Variants in WDR72 observed in about 807,000 individuals in gnomAD.
WDR72 encodes WD repeat-containing protein 72.
Under a neutral mutation model 124.2 loss-of-function variants are expected in WDR72, and 120 were observed. The observed-to-expected ratio is 0.97, with a 90% CI of 0.83 to 1.12. The LOEUF is 1.12. Among genes scored for constraint, WDR72 ranks in the 50% most tolerant of loss-of-function variants. WDR72 has a pLI of 0.00. For missense variants in WDR72, 1,387 were observed against 1,278.8 expected (o/e 1.08, Z -1.29); for synonymous variants, 452 against 441.7 (o/e 1.02, Z -0.29).
intron 18 of WDR72, among the ~76,000 whole-genome samples, chr15:53,552,453 G>C (rs1479328966): frequency 3.3e-5 from 5 of 152,042 alleles, no homozygotes; most frequent in African/African-American, 1.2e-4. Context: ...TCATTCTTTA[G>C]GAACAATGTC....
chr15:53,626,412 C>A (rs1329461671), intron 14 of WDR72, among the ~76,000 whole-genome samples: 1 of 152,178 alleles, frequency 6.6e-6, no homozygotes, highest in African/African-American at 2.4e-5. Flanking sequence ...AGGAGCACAG[C>A]GGACACCCTG....
intron 14 of WDR72, among the ~76,000 whole-genome samples, chr15:53,619,506 C>T (rs2013903445): frequency 6.6e-6 from 1 of 151,930 alleles, no homozygotes; most frequent in Non-Finnish European, 1.5e-5. Flanking sequence ...AAAGTACTTT[C>T]CCCCCTCCAT....
At chr15:53,715,849 C>A (rs2017690154) in intron 4 of WDR72, among the ~76,000 whole-genome samples, 2 of 152,080 alleles carry the variant, frequency 1.3e-5, no homozygotes, top group Admixed American at 1.3e-4. Context: ...ACAACAAAAC[C>A]CAGGTTCCTT....
chr15:53,559,383 CA>C (rs956957705), intron 18 of WDR72, among the ~76,000 whole-genome samples: 4 of 152,002 alleles, frequency 2.6e-5, no homozygotes, highest in African/African-American at 9.7e-5. Flanking sequence ...AGGTGAAGAT[CA>C]GTCTCCCCAA....
chr15:53,643,278 G>A (rs947479988), intron 14 of WDR72, among the ~76,000 whole-genome samples: 1 of 152,046 alleles, frequency 6.6e-6, no homozygotes, highest in Non-Finnish European at 1.5e-5. Context: ...CATAATGACT[G>A]CCTAGTCTCC....
chr15:53,653,830 T>C (rs2015325202), intron 14 of WDR72, among the ~76,000 whole-genome samples: 1 of 152,184 alleles, frequency 6.6e-6, no homozygotes, highest in African/African-American at 2.4e-5. Context: ...ATCAAATTTA[T>C]AACTCCAAAG....
At chr15:53,688,664 C>T (rs1454181671) in intron 13 of WDR72, among the ~76,000 whole-genome samples, 1 of 152,066 alleles carries the variant, frequency 6.6e-6, no homozygotes, top group Non-Finnish European at 1.5e-5. Flanking sequence ...GATTCAATGC[C>T]ATCCCCATCA....
At chr15:53,649,940 G>C (rs146878283) in intron 14 of WDR72, among the ~76,000 whole-genome samples, 275 of 152,194 alleles carry the variant, frequency 1.8e-3, no homozygotes, top group Middle Eastern at 3.4e-3. Flanking sequence ...ATCGACTTCT[G>C]GGTATTTATC....
intron 14 of WDR72, among the ~76,000 whole-genome samples, chr15:53,656,901 G>A (rs689846): frequency 0.77 from 116,617 of 151,816 alleles, 44,843 homozygotes; most frequent in African/African-American, 0.79. Flanking sequence ...AAGTAGGTGG[G>A]ATAGGGTCAT....
chr15:53,642,315 C>T (rs1271126546), intron 14 of WDR72, among the ~76,000 whole-genome samples: 2 of 151,876 alleles, frequency 1.3e-5, no homozygotes, highest in Non-Finnish European at 2.9e-5. Flanking sequence ...AAAATCTAAC[C>T]AGGGTAGATC....
At chr15:53,673,707 G>C (rs1255381579) in intron 13 of WDR72, among the ~76,000 whole-genome samples, 1 of 152,098 alleles carries the variant, frequency 6.6e-6, no homozygotes, top group East Asian at 1.9e-4. Flanking sequence ...AAAGCATATA[G>C]GGCCGGGTGC....
chr15:53,616,239 G>A lies in WDR72; in HGVS notation c.1967C>T (p.Thr656Ile). ...AGGTCTTGGGCAAAATTTGGCATCA[G>A]TAACCTAAGGGAACAAAAAATATTT... ...GLQVESSCKVTDAKFCPRPFN... is the reference protein window; with the variant it reads ...GLQVESSCKVIDAKFCPRPFN... Residue 656 changes from threonine (T) to isoleucine (I), a missense_variant, in exon 15 of 20, where the codon ACT becomes ATT. Thr to Ile is a moderately conservative substitution (Grantham distance 89, BLOSUM62 -1). Transcript: ENST00000360509. 1 of 1,599,642 alleles carries A rather than the reference G, an allele frequency of 6.3e-7. No individual in the cohort carries two copies. The highest frequency in any genetic ancestry group is 8.5e-7 in the Non-Finnish European group (1 of 1,178,536).
intron 9 of WDR72, among the ~76,000 whole-genome samples, chr15:53,706,348 G>GTATATA (rs1450540976): frequency 5.1e-4 from 29 of 57,338 alleles, no homozygotes; most frequent in East Asian, 2.6e-3. Flanking sequence ...GTGTGTGTGT[G>GTATATA]TGTATATATA....
At chr15:53,719,849 GC>G (rs747736268) in intron 3 of WDR72, among the ~76,000 whole-genome samples, 5 of 152,174 alleles carry the variant, frequency 3.3e-5, no homozygotes, top group Non-Finnish European at 5.9e-5. Flanking sequence ...CACTCACCTA[GC>G]GGCTTCCAAG....
Position 53,655,259 on chromosome 15 carries a change from A to AAAAAAAAAG in WDR72, c.1962+10312_1962+10313insCTTTTTTTT, listed in dbSNP as rs1489415634. Reference sequence around the variant, plus strand: ...AAAAAAAAAAAAAAAAAAAAAAAAAAAGAGATCTTAAAGACAATTTGTTAC... The same window carrying AAAAAAAAAG: ...AAAAAAAAAAAAAAAAAAAAAAAAAAAAAAAAAAGAGAGATCTTAAAGACAATTTGTTAC... On this transcript the variant is annotated intron_variant, in intron 14 of 19. Transcript: ENST00000360509. Among the ~76,000 whole-genome samples the AAAAAAAAAG allele has an allele frequency of 2.5e-5, 3 of 119,502 alleles. 1 individual carries two copies. Among genetic ancestry groups the AAAAAAAAAG allele is most frequent in the Non-Finnish European group, 1.7e-5 (1 of 57,652 alleles). The allele number at this position is 119,502 out of a possible 152,430, so 78.4% of individuals were successfully genotyped here. A position where few individuals can be genotyped will look rare whatever the true frequency, so the allele number is the denominator to read the frequency against.
chr15:53,610,476 A>G (rs568981249), intron 16 of WDR72, among the ~76,000 whole-genome samples: 2 of 152,122 alleles, frequency 1.3e-5, no homozygotes, highest in South Asian at 4.2e-4. Context: ...AAATTAATAT[A>G]TTGATATATG....
At chr15:53,755,458 T>C (rs1410117508) in intron 1 of WDR72, among the ~76,000 whole-genome samples, 2 of 152,254 alleles carry the variant, frequency 1.3e-5, no homozygotes, top group African/African-American at 4.8e-5. Flanking sequence ...AGCAGGCATA[T>C]AGATTCTCAA....
intron 18 of WDR72, among the ~76,000 whole-genome samples, chr15:53,567,137 C>T (rs1244378102): frequency 3.3e-5 from 5 of 151,958 alleles, no homozygotes; most frequent in Non-Finnish European, 5.9e-5. Flanking sequence ...TATAAATCTA[C>T]AGAGGGCTAC....
intron 13 of WDR72, among the ~76,000 whole-genome samples, chr15:53,695,958 C>T (rs2016991300): frequency 6.6e-6 from 1 of 152,128 alleles, no homozygotes; most frequent in Admixed American, 6.5e-5. Context: ...CCCCATACTC[C>T]CCAAGCTCCC....
Sources: gnomAD v4.1 joint callset for allele counts (sites outside exome capture counted in the v4.1 genomes callset) on GRCh38, gnomAD v4.1.1 for gene constraint, MANE v1.5 for transcripts, NCBI Gene and HGNC (gene_info 2026-07-23, HGNC 2026-07-21) for gene names.